The following CBFB variants were observed in gnomAD, a reference collection of about 807,000 sequenced individuals.
CBFB encodes core-binding factor subunit beta, also known as CBF-beta.
CBFB carries 9 observed loss-of-function variants against 30.4 expected under a neutral mutation model. The observed-to-expected ratio is 0.30, with a 90% CI of 0.18 to 0.52. The LOEUF is 0.52. Ranked by LOEUF, CBFB falls within the 20% of genes least tolerant of loss-of-function variation. The pLI is 0.97. For missense variants in CBFB, 170 were observed against 244.0 expected, an observed-to-expected ratio of 0.70 and a Z score of 2.02; for synonymous variants, 94 against 84.0, an observed-to-expected ratio of 1.12 and a Z score of -0.65.
intron 3 of CBFB, among the ~76,000 whole-genome samples, chr16:67,041,160 C>G (rs893488571): frequency 6.6e-6 from 1 of 152,184 alleles, no homozygotes; most frequent in South Asian, 2.1e-4. Flanking sequence ...CAGGGTGACT[C>G]AAACTCCTGG....
intron 2 of CBFB, among the ~76,000 whole-genome samples, chr16:67,036,090 C>A (rs1966436335): frequency 6.6e-6 from 1 of 152,102 alleles, no homozygotes; most frequent in Admixed American, 6.6e-5. Context: ...TTTTAAAAAT[C>A]ATCTAGGGTT....
At position 67,098,779 on chromosome 16, in the gene CBFB, T is replaced by G; in HGVS notation, c.*1T>G. ...TGGTGATGACCTCAAACTTCGTTAA[T>G]TAATAGCACAGCAGATGTGTGCTGC... is the stretch of plus-strand genomic sequence containing the variant. On this transcript the variant is annotated 3_prime_UTR_variant, in exon 6 of 6. Transcript: ENST00000412916. 6.4e-7 allele frequency: 1 copy of G among 1,561,062 alleles called. No individual in the cohort carries two copies. Among genetic ancestry groups the G allele is most frequent in the South Asian group, 1.1e-5 (1 of 89,906 alleles).
At chr16:67,042,002 A>T (rs994939005) in intron 3 of CBFB, among the ~76,000 whole-genome samples, 1 of 151,266 alleles carries the variant, frequency 6.6e-6, no homozygotes, top group Non-Finnish European at 1.5e-5. Context: ...CAATGTCCCA[A>T]GCTCAGGTGA....
intron 4 of CBFB, among the ~76,000 whole-genome samples, chr16:67,075,967 C>CA (rs1343972562): frequency 1.3e-5 from 2 of 152,196 alleles, no homozygotes; most frequent in Admixed American, 6.5e-5. Flanking sequence ...TACAGTGGCT[C>CA]ATGCCTGTAA....
chr16:67,082,187 A>G, intron 4 of CBFB, 26 bp from the exon 5 acceptor site: 1 of 1,483,254 alleles, frequency 6.7e-7, no homozygotes, highest in Non-Finnish European at 9.0e-7. Context: ...TCAAAATTAA[A>G]ATAGGTATTT....
intron 4 of CBFB, among the ~76,000 whole-genome samples, chr16:67,081,232 G>T (rs1207963322): frequency 6.7e-6 from 1 of 148,868 alleles, no homozygotes; most frequent in Non-Finnish European, 1.5e-5. Flanking sequence ...GCAGTGTTTG[G>T]TTTTTTGTTC....
intron 3 of CBFB, among the ~76,000 whole-genome samples, chr16:67,051,606 T>C (rs1295510504): frequency 6.6e-6 from 1 of 152,098 alleles, no homozygotes; most frequent in Non-Finnish European, 1.5e-5. Flanking sequence ...GTTTTCTAAG[T>C]GTCATCATGA....
intron 3 of CBFB, among the ~76,000 whole-genome samples, chr16:67,054,253 G>T (rs750603924): frequency 6.6e-6 from 1 of 151,836 alleles, no homozygotes; most frequent in Non-Finnish European, 1.5e-5. Context: ...ATACTTTATT[G>T]TAAGTTTGTC....
chr16:67,043,416 A>T (rs2145721956), intron 3 of CBFB, among the ~76,000 whole-genome samples: 1 of 152,352 alleles, frequency 6.6e-6, no homozygotes, highest in African/African-American at 2.4e-5. Context: ...TTTCAAATCA[A>T]GGGCTTCTAT....
chr16:67,075,677 T>G (rs957617575), intron 4 of CBFB, among the ~76,000 whole-genome samples: 1 of 152,192 alleles, frequency 6.6e-6, no homozygotes, highest in African/African-American at 2.4e-5. Context: ...TTTATAACTA[T>G]TATTAGTAAT....
At chr16:67,071,608 A>G (rs1049250630) in intron 4 of CBFB, among the ~76,000 whole-genome samples, 20 of 152,230 alleles carry the variant, frequency 1.3e-4, no homozygotes, top group Admixed American at 8.5e-4. Context: ...TGGCATCCTC[A>G]GATGACTAAA....
intron 4 of CBFB, among the ~76,000 whole-genome samples, chr16:67,080,567 G>A (rs1283972417): frequency 6.6e-6 from 1 of 152,178 alleles, no homozygotes; most frequent in Non-Finnish European, 1.5e-5. Context: ...AATGAGTCCT[G>A]AGGTATCTGG....
At chr16:67,046,845 T>TCCAATC (rs1966635656) in intron 3 of CBFB, among the ~76,000 whole-genome samples, 2 of 152,204 alleles carry the variant, frequency 1.3e-5, no homozygotes, top group South Asian at 4.1e-4. Flanking sequence ...TACAGAGGAT[T>TCCAATC]GGAAGCTACA....
intron 3 of CBFB, among the ~76,000 whole-genome samples, chr16:67,059,683 C>T (rs1488018729): frequency 1.3e-5 from 2 of 152,158 alleles, no homozygotes; most frequent in African/African-American, 2.4e-5. Context: ...ATAGCCTGCC[C>T]TGCTGGGGTT....
At chr16:67,066,393 C>CA (rs56360240) in intron 3 of CBFB, among the ~76,000 whole-genome samples, 4,287 of 96,042 alleles carry the variant, frequency 0.045, 180 homozygotes, top group Non-Finnish European at 0.056. Context: ...ACTAAAAATA[C>CA]AAAAAAAAAA....
At chr16:67,076,050 T>G (rs960265451) in intron 4 of CBFB, among the ~76,000 whole-genome samples, 12 of 152,144 alleles carry the variant, frequency 7.9e-5, no homozygotes, top group African/African-American at 2.9e-4. Flanking sequence ...GCCAGTATGG[T>G]GAAACCCCGT....
chr16:67,095,201 AGT>A (rs368122438), intron 5 of CBFB, among the ~76,000 whole-genome samples: 1,852 of 110,558 alleles, frequency 0.017, 63 homozygotes, highest in African/African-American at 0.061. Context: ...CAAGAGCAAA[AGT>A]GTGTCTCAAA....
intron 4 of CBFB, among the ~76,000 whole-genome samples, chr16:67,076,476 C>T (rs1961399974): frequency 6.6e-6 from 1 of 152,028 alleles, no homozygotes; most frequent in Non-Finnish European, 1.5e-5. Context: ...CATGTTTTTC[C>T]CCCCATTTAT....
chr16:67,036,718 G>C lies in CBFB; in HGVS notation c.245G>C (p.Ser82Thr), dbSNP rs2145713690. The C allele has an allele frequency of 6.2e-7, 1 of 1,613,248 alleles. No individual in the cohort carries two copies. The highest frequency in any genetic ancestry group is 8.5e-7 in the Non-Finnish European group (1 of 1,179,230). ...SWQGEQRQTPSREYVDLEREA... is the reference protein window; with the variant it reads ...SWQGEQRQTPTREYVDLEREA... ...CAGGGAGAACAGCGACAAACACCTAGCCGAGAGTATGTCGACTTAGAAAGA... is the reference window on the plus strand; with the variant it reads ...CAGGGAGAACAGCGACAAACACCTACCCGAGAGTATGTCGACTTAGAAAGA... Residue 82 changes from serine to threonine, a missense_variant, in exon 3 of 6, where the codon AGC becomes ACC. By Grantham distance (58) the Ser-to-Thr change is moderately conservative (BLOSUM62 1). Coordinates refer to ENST00000412916, the MANE Select transcript of CBFB (RefSeq NM_022845.3).
Sources: allele counts gnomAD v4.1 joint callset (sites outside exome capture counted in the v4.1 genomes callset), GRCh38; gene constraint gnomAD v4.1.1; transcripts MANE v1.5; gene names NCBI Gene and HGNC (gene_info 2026-07-23, HGNC 2026-07-21).